The following PXN variants were observed in gnomAD, a reference collection of about 807,000 sequenced individuals.
PXN encodes the protein paxillin, also known as testicular tissue protein Li 134.
In PXN, 61 loss-of-function variants were observed where a neutral mutation model predicts 103.6. That is an observed-to-expected ratio of 0.59 (90% CI 0.48 to 0.73). The LOEUF is 0.73. PXN is among the 30% of genes least tolerant of loss of function. PXN has a pLI of 0.00. For missense variants in PXN, 1,274 were observed against 1,460.3 expected (o/e 0.87, Z 2.08); for synonymous variants, 562 against 607.8 (o/e 0.92, Z 1.11).
At chr12:120,258,652 C>T (rs1258737022) in intron 1 of PXN, among the ~76,000 whole-genome samples, 1 of 152,206 alleles carries the variant, frequency 6.6e-6, no homozygotes, top group East Asian at 1.9e-4. Context: ...TTGAGAGGCC[C>T]GGGTACTCTC....
chr12:120,240,657 C>T (rs1446626725), intron 1 of PXN, among the ~76,000 whole-genome samples: 1 of 152,204 alleles, frequency 6.6e-6, no homozygotes, highest in Non-Finnish European at 1.5e-5. Context: ...ACTGCTGATC[C>T]TCCCAGGAGT....
intron 1 of PXN, among the ~76,000 whole-genome samples, chr12:120,257,356 A>T (rs964619257): frequency 2.6e-5 from 4 of 152,130 alleles, no homozygotes; most frequent in Non-Finnish European, 5.9e-5. Flanking sequence ...TCCCCCATAA[A>T]ACACACATCA....
chr12:120,220,209 G>C lies in PXN; in HGVS notation c.832-118C>G. The C allele has an allele frequency of 2.0e-6, 1 of 498,164 alleles. No homozygotes were observed. Among genetic ancestry groups the C allele is most frequent in the Non-Finnish European group, 3.6e-6 (1 of 280,508 alleles). 30.9% of individuals were successfully genotyped at this position (498,164 alleles called of 1,614,324 possible). ...GGCTGACCAAGGTGGCTGCAAAGCT[G>C]ACGCACAGGACTGACCCTTGAAGGA... On this transcript the variant is annotated intron_variant, in intron 6 of 14. Coordinates refer to ENST00000637617, the MANE Select transcript of PXN (RefSeq NM_001385981.1). This position sits in a 1 kb window ranked among gnomAD's most constrained non-coding sequence, Gnocchi z 6.1.
At chr12:120,254,264 T>TG (rs1269352295) in intron 1 of PXN, among the ~76,000 whole-genome samples, 3 of 152,114 alleles carry the variant, frequency 2.0e-5, no homozygotes, top group Non-Finnish European at 4.4e-5. Context: ...AAGTGGAGAA[T>TG]GGGGAGACGT....
rs1894602870 is a variant in PXN, at chr12:120,265,682, C to T, written c.-53G>A. The T allele has an allele frequency of 1.4e-6, 2 of 1,425,942 alleles. No homozygotes were observed. The highest frequency in any genetic ancestry group is 2.7e-5 in the Admixed American group (1 of 36,568). The allele number at this position is 1,425,942 out of a possible 1,614,324, so 88.3% of individuals were successfully genotyped here. ...TCGCGCTAGCTGCCCGTCCCGGGGC[C>T]GCTCGTCTATGCCCCGCAACTTTTC... On this transcript the variant is annotated 5_prime_UTR_variant, in exon 1 of 15. Transcript: ENST00000637617. The surrounding 1 kb of genome is among the most constrained non-coding windows in gnomAD (Gnocchi z 5.7).
chr12:120,227,739 C>T (rs758562476), intron 1 of PXN, among the ~76,000 whole-genome samples: 3 of 152,152 alleles, frequency 2.0e-5, no homozygotes, highest in Non-Finnish European at 4.4e-5. Context: ...AAACCCCCCA[C>T]AAACTCCTCA....
chr12:120,249,120 G>C (rs1400889819), intron 1 of PXN, among the ~76,000 whole-genome samples: 1 of 152,088 alleles, frequency 6.6e-6, no homozygotes, highest in Non-Finnish European at 1.5e-5. Flanking sequence ...CTGGGCGACA[G>C]AGCAAGACTC....
chr12:120,233,454 A>G (rs1294496447), intron 1 of PXN, among the ~76,000 whole-genome samples: 1 of 152,134 alleles, frequency 6.6e-6, no homozygotes, highest in Non-Finnish European at 1.5e-5. Context: ...CTACAGGTAC[A>G]CACCACACCT....
At chr12:120,246,385 G>C (rs899229082) in intron 1 of PXN, among the ~76,000 whole-genome samples, 1 of 151,506 alleles carries the variant, frequency 6.6e-6, no homozygotes, top group African/African-American at 2.4e-5. Flanking sequence ...AAATTAGCTG[G>C]GCATGGTAGC....
At chr12:120,234,385 G>T (rs768988334) in intron 1 of PXN, among the ~76,000 whole-genome samples, 35 of 152,104 alleles carry the variant, frequency 2.3e-4, no homozygotes, top group Non-Finnish European at 4.9e-4. Flanking sequence ...CTCCAGCCTG[G>T]GCGACAGAGT....
intron 1 of PXN, among the ~76,000 whole-genome samples, chr12:120,244,623 G>A (rs1476951071): frequency 2.0e-5 from 3 of 150,810 alleles, no homozygotes; most frequent in African/African-American, 7.3e-5. Context: ...ACTCCAGCCT[G>A]GATGACAGAG....
At chr12:120,235,110 C>T (rs968913187) in intron 1 of PXN, among the ~76,000 whole-genome samples, 1 of 152,178 alleles carries the variant, frequency 6.6e-6, no homozygotes, top group African/African-American at 2.4e-5. Context: ...CGCCTCCACC[C>T]CCACCCCATC....
intron 1 of PXN, among the ~76,000 whole-genome samples, chr12:120,240,515 A>T (rs906483425): frequency 8.5e-5 from 13 of 152,190 alleles, no homozygotes; most frequent in Non-Finnish European, 2.9e-5. Context: ...GCAGGACCCA[A>T]CCAAAACAGC....
intron 1 of PXN, among the ~76,000 whole-genome samples, chr12:120,256,325 C>G (rs376262722): frequency 1.3e-5 from 2 of 151,886 alleles, no homozygotes; most frequent in Non-Finnish European, 2.9e-5. Flanking sequence ...GCAGGAGGAT[C>G]GCTTGAGTTG....
At position 120,224,703 on chromosome 12, in the gene PXN, G is replaced by A; in HGVS notation, c.14-326C>T. ...CTGACAGGGCCGCGCAGCCGCGAGTGAAGTGCCTGTCTGGAACTCTGAATC... is the reference window on the plus strand; with the variant it reads ...CTGACAGGGCCGCGCAGCCGCGAGTAAAGTGCCTGTCTGGAACTCTGAATC... On this transcript the variant is annotated intron_variant, in intron 1 of 14. Coordinates refer to ENST00000637617, the MANE Select transcript of PXN (RefSeq NM_001385981.1). This position sits in a 1 kb window ranked among gnomAD's most constrained non-coding sequence, Gnocchi z 5.0. 1 of 584,700 alleles carries A rather than the reference G, an allele frequency of 1.7e-6. No homozygotes were observed. Among genetic ancestry groups the A allele is most frequent in the South Asian group, 1.5e-5 (1 of 65,748 alleles). 36.2% of individuals were successfully genotyped at this position (584,700 alleles called of 1,614,324 possible).
intron 1 of PXN, chr12:120,227,220 G>C: frequency 9.6e-6 from 9 of 932,772 alleles, no homozygotes; most frequent in Non-Finnish European, 1.2e-5. Flanking sequence ...TTAAAAATTA[G>C]CTGGGTGTGG....
chr12:120,248,077 T>C (rs1891473719), intron 1 of PXN, among the ~76,000 whole-genome samples: 1 of 152,114 alleles, frequency 6.6e-6, no homozygotes, highest in African/African-American at 2.4e-5. Flanking sequence ...ACTGGAGACT[T>C]TGACTCTCCA....
chr12:120,260,522 AG>A (rs1360956556), intron 1 of PXN, among the ~76,000 whole-genome samples: 2 of 152,082 alleles, frequency 1.3e-5, no homozygotes, highest in Non-Finnish European at 2.9e-5. Context: ...AAAGAACAAA[AG>A]ACAGACAAGA....
In PXN at chr12:120,219,241, G is replaced by T; in HGVS notation, c.1682C>A (p.Pro561His). ...GGTGGAAATCCTCTCCGTGGTGCTG[G>T]GTGTGCCCATGGCCATGGCACATGG... The part of the protein sequence containing the change: ...ELPCAMAMGT[P>H]STTERISTSG... Residue 561 changes from proline (P) to histidine (H), a missense_variant, in exon 7 of 15, where the codon CCC becomes CAC. By Grantham distance (77) the Pro-to-His change is moderately conservative. Coordinates refer to ENST00000637617, the MANE Select transcript of PXN (RefSeq NM_001385981.1). This position sits in a 1 kb window ranked among gnomAD's most constrained non-coding sequence, Gnocchi z 6.5. The T allele has an allele frequency of 6.3e-7, 1 of 1,594,460 alleles. No homozygotes were observed. The highest frequency in any genetic ancestry group is 1.7e-4 in the Middle Eastern group (1 of 6,044).
Sources: gnomAD v4.1 joint callset for allele counts (sites outside exome capture counted in the v4.1 genomes callset) on GRCh38, gnomAD v4.1.1 for gene constraint, Gnocchi (gnomAD v3.1) non-coding constraint, MANE v1.5 for transcripts, NCBI Gene and HGNC (gene_info 2026-07-23, HGNC 2026-07-21) for gene names.